The following PELI1 variants were observed in gnomAD, a reference collection of about 807,000 sequenced individuals.
PELI1 encodes the protein pellino E3 ubiquitin protein ligase 1, also known as E3 ubiquitin-protein ligase pellino homolog 1.
In PELI1, 15 loss-of-function variants were observed where a neutral mutation model predicts 41.3. The ratio of observed to expected loss-of-function variants is 0.36; its 90% confidence interval spans 0.24 to 0.56. The LOEUF (loss-of-function observed/expected upper bound fraction) is 0.56. PELI1 is among the 20% of genes least tolerant of loss of function. PELI1 has a pLI of 0.82. For synonymous variants in PELI1, 178 were observed against 180.1 expected, an observed-to-expected ratio of 0.99 and a Z score of 0.09; for missense variants, 403 against 525.5, an observed-to-expected ratio of 0.77 and a Z score of 2.28.
At chr2:64,113,105 C>G (rs888028406) in intron 1 of PELI1, among the ~76,000 whole-genome samples, 3 of 151,650 alleles carry the variant, frequency 2.0e-5, no homozygotes, top group African/African-American at 7.3e-5. Flanking sequence ...TAGTAAGACT[C>G]CCGTCTCTAC....
intron 1 of PELI1, among the ~76,000 whole-genome samples, chr2:64,114,591 A>G (rs1165307411): frequency 6.6e-6 from 1 of 152,164 alleles, no homozygotes; most frequent in Non-Finnish European, 1.5e-5. Context: ...CTGATAGTAT[A>G]TCACCTACAG....
intron 4 of PELI1, among the ~76,000 whole-genome samples, chr2:64,099,879 G>A (rs1159057366): frequency 1.3e-5 from 2 of 152,182 alleles, no homozygotes; most frequent in Non-Finnish European, 2.9e-5. Context: ...TGCATGAGTA[G>A]CATTGACCAA....
At chr2:64,122,316 T>C (rs1367106036) in intron 1 of PELI1, among the ~76,000 whole-genome samples, 1 of 128,602 alleles carries the variant, frequency 7.8e-6, no homozygotes, top group Non-Finnish European at 1.6e-5. Context: ...TCAGGGAAAA[T>C]GATAAACTTT....
rs377041268 is a variant in PELI1 at position 64,140,787 on chromosome 2, C to CAAAAAAA, written c.-70+3287_-70+3293dup. Among the ~76,000 whole-genome samples the CAAAAAAA allele has an allele frequency of 8.0e-3, 369 of 46,280 alleles. 112 individuals carry two copies. The highest frequency in any genetic ancestry group is 0.014 in the Middle Eastern group (1 of 70). 30.4% of individuals were successfully genotyped at this position (46,280 alleles called of 152,430 possible). ...GAAGTGATCTACTCAAGACAACATG[C>CAAAAAAA]AAAAAAAAAAAACAAACAAACAAAA... On this transcript the variant is annotated intron_variant, in intron 1 of 6. Coordinates refer to ENST00000358912, the MANE Select transcript of PELI1 (RefSeq NM_020651.4).
At chr2:64,131,088 G>A (rs766113893) in intron 1 of PELI1, among the ~76,000 whole-genome samples, 2 of 152,036 alleles carry the variant, frequency 1.3e-5, no homozygotes, top group African/African-American at 2.4e-5. Flanking sequence ...GAGTACCTAG[G>A]AGAGAACCTT....
At chr2:64,097,581 G>A (rs1262148676) in intron 4 of PELI1, among the ~76,000 whole-genome samples, 3 of 152,166 alleles carry the variant, frequency 2.0e-5, no homozygotes, top group African/African-American at 7.2e-5. Context: ...TCAATGGGGA[G>A]ATGACAAAAG....
At chr2:64,104,898 C>T (rs1052127676) in intron 2 of PELI1, 68 bp from the exon 3 acceptor site, 15 of 1,376,616 alleles carry the variant, frequency 1.1e-5, no homozygotes, top group Admixed American at 8.5e-5. Flanking sequence ...AAATGTTTGA[C>T]TTTGCCTTGC....
rs1035555656 is a variant in PELI1, at chr2:64,095,274, G to A, written c.691-6C>T. ...TGATTGGTTTCAATTTCCACCTAGA[G>A]GAGACAAGAGTTGAAAAACATATTC... On this transcript the variant is annotated splice_polypyrimidine_tract_variant and splice_region_variant and intron_variant, in intron 6 of 6. Transcript: ENST00000358912. 8 of 1,601,356 alleles carry A rather than the reference G, an allele frequency of 5.0e-6. No individual in the cohort carries two copies. The African/African-American group carries it at 6.7e-5, about 13-fold the overall frequency.
At chr2:64,121,292 A>G (rs913826693) in intron 1 of PELI1, among the ~76,000 whole-genome samples, 1 of 152,198 alleles carries the variant, frequency 6.6e-6, no homozygotes, top group Non-Finnish European at 1.5e-5. Context: ...TACTAAATAG[A>G]ATGTAGTTGT....
At chr2:64,117,559 C>A (rs1681039871) in intron 1 of PELI1, among the ~76,000 whole-genome samples, 1 of 151,960 alleles carries the variant, frequency 6.6e-6, no homozygotes, top group South Asian at 2.1e-4. Flanking sequence ...TTTCGAAATT[C>A]CATTATAAGC....
At chr2:64,132,459 C>T (rs1048561359) in intron 1 of PELI1, among the ~76,000 whole-genome samples, 8 of 152,128 alleles carry the variant, frequency 5.3e-5, no homozygotes, top group Non-Finnish European at 1.2e-4. Flanking sequence ...TTCTCAGAAC[C>T]TTGAGATTAA....
intron 2 of PELI1, among the ~76,000 whole-genome samples, chr2:64,106,989 G>A (rs1204973681): frequency 2.0e-5 from 3 of 152,034 alleles, no homozygotes; most frequent in Admixed American, 6.6e-5. Context: ...GTGCAGTGGC[G>A]CTGATCTCAG....
rs924905860 is a variant in PELI1 at position 64,094,049 on chromosome 2, A to G, written c.*653T>C. 2 of 152,672 alleles carry G rather than the reference A, an allele frequency of 1.3e-5. No individual in the cohort carries two copies. The highest frequency in any genetic ancestry group is 4.8e-5 in the African/African-American group (2 of 41,474). 9.5% of individuals were successfully genotyped at this position (152,672 alleles called of 1,614,324 possible). A position where few individuals can be genotyped will look rare whatever the true frequency, so the allele number is the denominator to read the frequency against. On this transcript the variant is annotated 3_prime_UTR_variant, in exon 7 of 7. Coordinates refer to ENST00000358912, the MANE Select transcript of PELI1 (RefSeq NM_020651.4). ...ATTATCTTCAATGTTGTTAAAAACA[A>G]ACACCTTTCACGCGGGTAATTAGTA...
At chr2:64,119,078 A>G (rs1681116544) in intron 1 of PELI1, among the ~76,000 whole-genome samples, 1 of 145,858 alleles carries the variant, frequency 6.9e-6, no homozygotes, top group African/African-American at 2.4e-5. Flanking sequence ...AACAGGCAAT[A>G]TACACCTGTA....
rs1680118704 is a variant in PELI1 at position 64,093,445 on chromosome 2, AG to A, written c.*1256del. 6.6e-6 allele frequency: 1 copy of A among 152,644 alleles called. No homozygotes were observed. Among genetic ancestry groups the A allele is most frequent in the South Asian group, 2.1e-4 (1 of 4,836 alleles). The allele number at this position is 152,644 out of a possible 1,614,324, so 9.5% of individuals were successfully genotyped here. On this transcript the variant is annotated 3_prime_UTR_variant, in exon 7 of 7. Transcript: ENST00000358912. Reference sequence around the variant, plus strand: ...CTATACTTGTGGTGCCTTTGAAAAAAGGGTGGGAAGGAGGGGAGAGAAGAAA... The same window carrying A: ...CTATACTTGTGGTGCCTTTGAAAAAAGGTGGGAAGGAGGGGAGAGAAGAAA...
intron 1 of PELI1, among the ~76,000 whole-genome samples, chr2:64,119,283 G>A (rs1681124244): frequency 6.6e-6 from 1 of 152,184 alleles, no homozygotes; most frequent in Non-Finnish European, 1.5e-5. Context: ...GAAAAGATCT[G>A]ATGAATTATG....
Position 64,095,082 on chromosome 2 carries a change from T to A in PELI1, c.877A>T (p.Ser293Cys), listed in dbSNP as rs182784888. Residue 293 changes from serine (S) to cysteine (C), a missense_variant, in exon 7 of 7, where the codon AGT becomes TGT. Coordinates refer to ENST00000358912, the MANE Select transcript of PELI1 (RefSeq NM_020651.4). ...PVGFNTLAFP[S>C]MKRKDVVDEK... ...TCTACAACGTCTTTCCTCTTCATAC[T>A]AGGAAATGCTAGTGTGTTGAACCCT... 13 of 1,614,152 alleles carry A rather than the reference T, an allele frequency of 8.1e-6. No individual in the cohort carries two copies. In the Admixed American group the frequency reaches 1.8e-4, roughly 23 times the overall value.
intron 1 of PELI1, among the ~76,000 whole-genome samples, chr2:64,114,846 C>T (rs1418737167): frequency 4.6e-5 from 7 of 152,150 alleles, no homozygotes; most frequent in Non-Finnish European, 8.8e-5. Flanking sequence ...TACTCACTCC[C>T]CTACCTTGTG....
intron 1 of PELI1, among the ~76,000 whole-genome samples, chr2:64,133,903 C>T (rs1681637665): frequency 6.6e-6 from 1 of 151,934 alleles, no homozygotes; most frequent in African/African-American, 2.4e-5. Context: ...TAAAATGAAG[C>T]CCACAACCTA....
Sources: allele counts gnomAD v4.1 joint callset (sites outside exome capture counted in the v4.1 genomes callset), GRCh38; gene constraint gnomAD v4.1.1; transcripts MANE v1.5; gene names NCBI Gene and HGNC (gene_info 2026-07-23, HGNC 2026-07-21).